Variants in CFAP107 observed in about 807,000 individuals in gnomAD.
CFAP107 encodes the protein cilia and flagella associated protein 107, also known as cilia- and flagella-associated protein 107.
the CFAP107 span, among the ~76,000 whole-genome samples, chr1:12,756,828 T>C: frequency 3.0e-4 from 46 of 152,300 alleles, no homozygotes; most frequent in African/African-American, 1.0e-3. Flanking sequence ...GGCTTGTTGT[T>C]AGGGATGAAG....
the CFAP107 span, among the ~76,000 whole-genome samples, chr1:12,751,147 G>A: frequency 5.3e-5 from 8 of 151,714 alleles, no homozygotes; most frequent in East Asian, 1.5e-3. Flanking sequence ...TGTTAAGAGG[G>A]AAATTTACAG....
At chr1:12,748,097 G>A in the CFAP107 span, among the ~76,000 whole-genome samples, 1 of 152,188 alleles carries the variant, frequency 6.6e-6, no homozygotes, top group Non-Finnish European at 1.5e-5. Context: ...GCACAGCACA[G>A]CATAGTCTGC....
chr1:12,749,038 A>G, the CFAP107 span, among the ~76,000 whole-genome samples: 2 of 152,200 alleles, frequency 1.3e-5, no homozygotes, highest in African/African-American at 4.8e-5. Flanking sequence ...GACACTATGA[A>G]GCAGATTAAT....
At chr1:12,760,687 T>C in the CFAP107 span, 1 of 1,395,988 alleles carries the variant, frequency 7.2e-7, no homozygotes, top group Non-Finnish European at 9.8e-7. Flanking sequence ...GGGCCCCTGC[T>C]GCCCAGTCTC....
the CFAP107 span, among the ~76,000 whole-genome samples, chr1:12,755,519 G>A: frequency 5.3e-5 from 8 of 152,196 alleles, no homozygotes; most frequent in African/African-American, 1.9e-4. Flanking sequence ...TCTTCCCGGG[G>A]GTGCCGGATG....
At chr1:12,763,278 A>G in the CFAP107 span, 1 of 152,202 alleles carries the variant, frequency 6.6e-6, no homozygotes, top group African/African-American at 2.4e-5. Context: ...GTTTTAAGTA[A>G]GTTTACAAAT....
At chr1:12,760,050 TGGTC>T in the CFAP107 span, among the ~76,000 whole-genome samples, 1 of 151,494 alleles carries the variant, frequency 6.6e-6, no homozygotes, top group Non-Finnish European at 1.5e-5. Context: ...AAGTGAGGGG[TGGTC>T]TTTGTTGAGG....
chr1:12,759,305 T>C, the CFAP107 span: 10 of 1,613,292 alleles, frequency 6.2e-6, no homozygotes, highest in Non-Finnish European at 8.5e-6. Flanking sequence ...TGTCTGTCCT[T>C]CCAGGGGCTA....
At chr1:12,753,836 A>T in the CFAP107 span, 1 of 152,154 alleles carries the variant, frequency 6.6e-6, no homozygotes, top group South Asian at 2.1e-4. Context: ...AGTCTGAGGC[A>T]GGAGGACTGC....
chr1:12,755,273 C>T, the CFAP107 span, among the ~76,000 whole-genome samples: 1 of 152,142 alleles, frequency 6.6e-6, no homozygotes, highest in Non-Finnish European at 1.5e-5. Flanking sequence ...GGCATGGCGG[C>T]CCATGCCTGT....
chr1:12,761,168 T>C, the CFAP107 span: 2 of 535,682 alleles, frequency 3.7e-6, no homozygotes, highest in Admixed American at 6.7e-5. Flanking sequence ...TCTTTGACAC[T>C]ATTGCAGGGC....
At chr1:12,750,980 C>A in the CFAP107 span, among the ~76,000 whole-genome samples, 3 of 150,658 alleles carry the variant, frequency 2.0e-5, no homozygotes, top group African/African-American at 7.3e-5. Context: ...ATGAACTTAA[C>A]GATTAATAGC....
chr1:12,746,538 A>G, the CFAP107 span: 1 of 1,607,644 alleles, frequency 6.2e-7, no homozygotes, highest in Non-Finnish European at 8.5e-7. Flanking sequence ...AAGAGAGGAG[A>G]AAGGTAAGGA....
chr1:12,756,287 G>A, the CFAP107 span, among the ~76,000 whole-genome samples: 2 of 152,200 alleles, frequency 1.3e-5, no homozygotes, highest in Admixed American at 1.3e-4. Context: ...GGTGTTCCAG[G>A]TGTTGGAAGC....
chr1:12,757,390 CT>C, the CFAP107 span, among the ~76,000 whole-genome samples: 47,185 of 131,534 alleles, frequency 0.36, 7,597 homozygotes, highest in African/African-American at 0.48. Flanking sequence ...TTTTTCTTTT[CT>C]TTTTTTTTGA....
At chr1:12,755,277 T>C in the CFAP107 span, among the ~76,000 whole-genome samples, 2 of 152,104 alleles carry the variant, frequency 1.3e-5, no homozygotes, top group East Asian at 1.9e-4. Context: ...TGGCGGCCCA[T>C]GCCTGTAATC....
chr1:12,755,501 A>G, the CFAP107 span, among the ~76,000 whole-genome samples: 1 of 152,142 alleles, frequency 6.6e-6, no homozygotes, highest in Non-Finnish European at 1.5e-5. Flanking sequence ...AGGGGAGCCA[A>G]TGACAGCTCT....
the CFAP107 span, chr1:12,759,484 C>T: frequency 6.2e-7 from 1 of 1,614,024 alleles, no homozygotes; most frequent in African/African-American, 1.3e-5. Context: ...CTTTCCCCTT[C>T]TTGGTACCTT....
At chr1:12,760,263 C>A in the CFAP107 span, among the ~76,000 whole-genome samples, 1 of 152,094 alleles carries the variant, frequency 6.6e-6, no homozygotes, top group African/African-American at 2.4e-5. Context: ...TAGGAGAGTG[C>A]CTTGATGTGA....
Sources: allele counts gnomAD v4.1 joint callset (sites outside exome capture counted in the v4.1 genomes callset), GRCh38; gene constraint gnomAD v4.1.1; transcripts MANE v1.5; gene names NCBI Gene and HGNC (gene_info 2026-07-23, HGNC 2026-07-21).